ROBO2: variants seen among roughly 807,000 people sequenced by gnomAD.
The protein encoded by ROBO2 is roundabout guidance receptor 2.
A neutral mutation model predicts 160.8 loss-of-function variants in ROBO2; 53 were observed. That is an observed-to-expected ratio of 0.33 (90% CI 0.26 to 0.41). The LOEUF (loss-of-function observed/expected upper bound fraction) is 0.41. Among genes scored for constraint, ROBO2 ranks in the 10% least tolerant of loss-of-function variants. The pLI, the probability that ROBO2 is intolerant of heterozygous loss-of-function variation, is 1.00. For missense variants in ROBO2, 1,577 were observed against 1,722.4 expected, an observed-to-expected ratio of 0.92 and a Z score of 1.49; for synonymous variants, 664 against 611.7, an observed-to-expected ratio of 1.09 and a Z score of -1.26.
In ROBO2 at chr3:76,389,863, G is replaced by A. The variant is rs145009259; in HGVS notation, c.109+452261G>A. Among the ~76,000 whole-genome samples, 183 of 152,234 alleles carry A rather than the reference G, an allele frequency of 1.2e-3. 1 individual carries two copies. The highest frequency in any genetic ancestry group is 4.2e-3 in the African/African-American group (175 of 41,552). ...ATTTCAGTTGAACATAGATTCCAGAGCTAGGAAAATTATTTCTGTGTTACC... is the reference window on the plus strand; with the variant it reads ...ATTTCAGTTGAACATAGATTCCAGAACTAGGAAAATTATTTCTGTGTTACC... On this transcript the variant is annotated intron_variant, in intron 2 of 26. Transcript: ENST00000487694.
intron 2 of ROBO2, among the ~76,000 whole-genome samples, chr3:77,454,780 T>G (rs2081452908): frequency 6.6e-6 from 1 of 152,214 alleles, no homozygotes; most frequent in Non-Finnish European, 1.5e-5. Flanking sequence ...CTTTTTCAAT[T>G]TATTTATGTT....
intron 2 of ROBO2, among the ~76,000 whole-genome samples, chr3:76,630,942 G>A (rs141463393): frequency 2.6e-5 from 4 of 152,180 alleles, no homozygotes; most frequent in African/African-American, 7.2e-5. Flanking sequence ...ATTTCTCTTC[G>A]ATGTCTAAAT....
intron 2 of ROBO2, among the ~76,000 whole-genome samples, chr3:77,376,779 A>G (rs372372965): frequency 6.6e-6 from 1 of 152,202 alleles, no homozygotes; most frequent in East Asian, 1.9e-4. Flanking sequence ...ACACTAGCAG[A>G]GGGCTGGGCT....
At chr3:75,909,305 G>A (rs1279602445) in intron 1 of ROBO2, among the ~76,000 whole-genome samples, 1 of 152,130 alleles carries the variant, frequency 6.6e-6, no homozygotes, top group Non-Finnish European at 1.5e-5. Flanking sequence ...GTTTTTTGGA[G>A]GGAGGGAGCT....
intron 2 of ROBO2, among the ~76,000 whole-genome samples, chr3:76,462,092 A>G (rs1013491430): frequency 2.0e-5 from 3 of 152,224 alleles, no homozygotes; most frequent in East Asian, 1.9e-4. Context: ...ATGTGACTCA[A>G]ATAGCTCTTT....
intron 1 of ROBO2, among the ~76,000 whole-genome samples, chr3:77,069,149 A>C (rs1266473952): frequency 6.6e-6 from 1 of 152,246 alleles, no homozygotes; most frequent in Non-Finnish European, 1.5e-5. Flanking sequence ...CTGATCTCTA[A>C]TTTAAACTAT....
chr3:77,294,965 G>A lies in ROBO2; in HGVS notation c.389-182449G>A, dbSNP rs142741071. Among the ~76,000 whole-genome samples, 237 of 151,892 alleles carry A rather than the reference G, an allele frequency of 1.6e-3. 1 individual carries two copies. The highest frequency in any genetic ancestry group is 5.3e-3 in the African/African-American group (218 of 41,452). ...TGGTTAAACGAGTAAGCTGAGGCTA[G>A]ATCACCAAAGACATAAAGTAAAATT... On this transcript the variant is annotated intron_variant, in intron 2 of 25. Coordinates refer to ENST00000461745, the Ensembl canonical transcript of ROBO2.
chr3:76,478,797 C>T (rs1238204272), intron 2 of ROBO2, among the ~76,000 whole-genome samples: 1 of 151,336 alleles, frequency 6.6e-6, no homozygotes, highest in Non-Finnish European at 1.5e-5. Flanking sequence ...ACCTTAACCT[C>T]CCAAGTAGCT....
rs557333823 is a variant in ROBO2 at position 77,392,617 on chromosome 3, C to G, written c.389-84797C>G. 1.2e-3 allele frequency among the ~76,000 whole-genome samples: 176 copies of G among 152,238 alleles called. 1 individual carries two copies. In the Middle Eastern group the frequency reaches 0.017, roughly 15 times the overall value. ...TACACTTTTTTAATCACTTGCCAGT[C>G]TGCATTAGCCTTTTAATTATTAATA... On this transcript the variant is annotated intron_variant, in intron 2 of 25. Transcript: ENST00000461745.
At chr3:76,494,347 C>T (rs1233429769) in intron 2 of ROBO2, among the ~76,000 whole-genome samples, 4 of 152,138 alleles carry the variant, frequency 2.6e-5, no homozygotes, top group African/African-American at 7.2e-5. Context: ...ACTTAATACA[C>T]GTTTTACATG....
At chr3:77,506,241 C>T (rs1457418495) in intron 5 of ROBO2, among the ~76,000 whole-genome samples, 1 of 152,134 alleles carries the variant, frequency 6.6e-6, no homozygotes, top group African/African-American at 2.4e-5. Flanking sequence ...CAAACTCATA[C>T]AGAGTCCAAA....
intron 2 of ROBO2, among the ~76,000 whole-genome samples, chr3:76,463,745 T>C (rs1367185025): frequency 6.6e-6 from 1 of 152,174 alleles, no homozygotes; most frequent in Non-Finnish European, 1.5e-5. Context: ...TATTGCCACC[T>C]GCAACATAGT....
chr3:76,769,369 TGA>T (rs2061755050), intron 2 of ROBO2, among the ~76,000 whole-genome samples: 1 of 151,246 alleles, frequency 6.6e-6, no homozygotes, highest in African/African-American at 2.4e-5. Context: ...ATGATGATGA[TGA>T]TGATACTACT....
intron 2 of ROBO2, among the ~76,000 whole-genome samples, chr3:76,106,662 A>C (rs534129909): frequency 2.0e-5 from 3 of 152,280 alleles, no homozygotes; most frequent in Non-Finnish European, 4.4e-5. Context: ...GAATGAGAGA[A>C]GGCAAGATGA....
chr3:76,901,285 T>C (rs1249926666), intron 2 of ROBO2, among the ~76,000 whole-genome samples: 1 of 152,104 alleles, frequency 6.6e-6, no homozygotes, highest in Non-Finnish European at 1.5e-5. Context: ...CCCTCTTGCA[T>C]TGGAATATAA....
intron 2 of ROBO2, among the ~76,000 whole-genome samples, chr3:76,900,115 T>G (rs9832658): frequency 0.016 from 2,447 of 152,214 alleles, 57 homozygotes; most frequent in African/African-American, 0.057. Context: ...GCTTGTGCCC[T>G]GCACAAGCTG....
At chr3:77,352,994 G>T (rs75356191) in intron 2 of ROBO2, among the ~76,000 whole-genome samples, 1 of 152,098 alleles carries the variant, frequency 6.6e-6, no homozygotes, top group Non-Finnish European at 1.5e-5. Context: ...ACCTGTGTTT[G>T]ATTGAATCTC....
At chr3:77,443,097 G>A (rs1200860141) in intron 2 of ROBO2, among the ~76,000 whole-genome samples, 1 of 152,102 alleles carries the variant, frequency 6.6e-6, no homozygotes, top group Admixed American at 6.6e-5. Flanking sequence ...AGACTTTAGC[G>A]AAATACTAGG....
intron 2 of ROBO2, among the ~76,000 whole-genome samples, chr3:77,288,870 C>T (rs2060812022): frequency 6.6e-6 from 1 of 151,922 alleles, no homozygotes; most frequent in Non-Finnish European, 1.5e-5. Flanking sequence ...ATATAATTTA[C>T]CAGTACAATC....
Sources: gnomAD v4.1 joint callset for allele counts (sites outside exome capture counted in the v4.1 genomes callset) on GRCh38, gnomAD v4.1.1 for gene constraint, MANE v1.5 for transcripts, NCBI Gene and HGNC (gene_info 2026-07-23, HGNC 2026-07-21) for gene names.